The following MAP7D2 variants were observed in gnomAD, a reference collection of about 807,000 sequenced individuals.
MAP7D2 encodes the protein MAP7 domain-containing protein 2.
Under a neutral mutation model 63.5 loss-of-function variants are expected in MAP7D2, and 33 were observed. The observed-to-expected ratio is 0.52, with a 90% CI of 0.39 to 0.70. The LOEUF is 0.70. MAP7D2 is among the 30% of genes least tolerant of loss of function. The probability of loss-of-function intolerance (pLI) is 0.00; values close to 1 mark genes in which losing one functional copy is unlikely to be tolerated. For synonymous variants in MAP7D2, 224 were observed against 223.7 expected, an observed-to-expected ratio of 1.00 and a Z score of -0.01; for missense variants, 626 against 604.0, an observed-to-expected ratio of 1.04 and a Z score of -0.38.
At chrX:20,078,084 C>T (rs759952524) in intron 1 of MAP7D2, among the ~76,000 whole-genome samples, 2 of 112,198 alleles carry the variant, frequency 1.8e-5, no homozygotes, top group African/African-American at 3.2e-5. Context: ...ACCCCAGGAA[C>T]TCCTGCGCCA....
At chrX:20,095,111 T>C (rs968711699) in intron 1 of MAP7D2, among the ~76,000 whole-genome samples, 3 of 110,887 alleles carry the variant, frequency 2.7e-5, no homozygotes, top group East Asian at 5.7e-4. Context: ...GATGATCGCA[T>C]GACCTCGTGA....
Position 20,007,717 on chromosome X carries a change from C to T in MAP7D2, c.*708G>A, listed in dbSNP as rs1314822298. On this transcript the variant is annotated 3_prime_UTR_variant, in exon 17 of 17. Coordinates refer to ENST00000379643, the MANE Select transcript of MAP7D2 (RefSeq NM_001168465.2). The stretch of plus-strand genomic sequence containing the variant: ...TTTTAAGGTGTGACACGAAAGAGTC[C>T]TTGCTAGATTCAGTTGCCCATGTAT... The T allele has an allele frequency of 8.9e-6, 1 of 111,800 alleles. No homozygotes were observed. Among genetic ancestry groups the T allele is most frequent in the Non-Finnish European group, 1.9e-5 (1 of 53,141 alleles). The allele number at this position is 111,800 out of a possible 1,213,427, so 9.2% of individuals were successfully genotyped here. A position where few individuals can be genotyped will look rare whatever the true frequency, so the allele number is the denominator to read the frequency against.
At position 20,105,719 on chromosome X, in the gene MAP7D2, C is replaced by A. The variant is rs151264427; in HGVS notation, c.130+11031G>T. Among the ~76,000 whole-genome samples the A allele has an allele frequency of 5.4e-3, 605 of 111,446 alleles. 4 individuals are homozygous for A. Among genetic ancestry groups the A allele is most frequent in the Admixed American group, 6.7e-3 (70 of 10,449 alleles). On this transcript the variant is annotated intron_variant, in intron 1 of 16. Coordinates refer to ENST00000379643, the MANE Select transcript of MAP7D2 (RefSeq NM_001168465.2). The stretch of plus-strand genomic sequence containing the variant: ...CAGAGCCCATTGAATCCCGACTCAG[C>A]AGACCCTACCCAGCAGCAGGGATTC...
At chrX:20,017,615 C>T (rs1283533845) in intron 10 of MAP7D2, among the ~76,000 whole-genome samples, 1 of 112,278 alleles carries the variant, frequency 8.9e-6, no homozygotes, top group African/African-American at 3.2e-5. Flanking sequence ...TACGTGATAA[C>T]ACTAAATTAG....
Position 20,052,994 on chromosome X carries a change from G to A in MAP7D2, c.485-6C>T, listed in dbSNP as rs375622351. ...TGTTGAAAGTTTGTCACATGCTGCA[G>A]AGAAATGCATTAAAGACATTGGTAT... On this transcript the variant is annotated splice_region_variant and splice_polypyrimidine_tract_variant and intron_variant, in intron 4 of 16. Transcript: ENST00000379643. 3.4e-6 allele frequency: 4 copies of A among 1,160,327 alleles called. 1 individual carries two copies. The South Asian group carries it at 7.2e-5, about 21-fold the overall frequency.
chrX:20,106,381 G>A (rs887935244), intron 1 of MAP7D2, among the ~76,000 whole-genome samples: 3 of 112,186 alleles, frequency 2.7e-5, no homozygotes, highest in African/African-American at 9.7e-5. Flanking sequence ...TGCTTTGCCT[G>A]ATATGGGGGA....
At chrX:20,063,742 G>A (rs919073119) in intron 2 of MAP7D2, among the ~76,000 whole-genome samples, 165 bp from the exon 3 acceptor site, 4 of 111,746 alleles carry the variant, frequency 3.6e-5, no homozygotes, top group African/African-American at 9.8e-5. Context: ...CCACTAGCTG[G>A]GTAACCCTAA....
At chrX:20,099,460 T>C (rs1328579728) in intron 1 of MAP7D2, among the ~76,000 whole-genome samples, 1 of 111,866 alleles carries the variant, frequency 8.9e-6, no homozygotes, top group Admixed American at 9.5e-5. Context: ...GAAGCCATCA[T>C]CCTGTCTGCC....
intron 1 of MAP7D2, among the ~76,000 whole-genome samples, chrX:20,113,015 G>C (rs1206034282): frequency 8.9e-6 from 1 of 111,950 alleles, no homozygotes; most frequent in Non-Finnish European, 1.9e-5. Flanking sequence ...GGTTAGAAAT[G>C]ACAGACTTTG....
At chrX:20,049,995 T>G (rs2064903912) in intron 6 of MAP7D2, 1 of 230,916 alleles carries the variant, frequency 4.3e-6, no homozygotes, top group Admixed American at 5.7e-5. Flanking sequence ...GCAGAAACAG[T>G]ATAACTGTTT....
chrX:20,077,882 T>C (rs1477735993), intron 1 of MAP7D2, among the ~76,000 whole-genome samples: 1 of 112,514 alleles, frequency 8.9e-6, no homozygotes. Flanking sequence ...CAGTTACCAA[T>C]CACTGTTTGT....
intron 8 of MAP7D2, among the ~76,000 whole-genome samples, chrX:20,035,757 C>CA (rs2074204737): frequency 9.1e-6 from 1 of 109,591 alleles, no homozygotes. Flanking sequence ...AAAAACCCCA[C>CA]AAAAAATTAG....
At chrX:20,016,635 A>C (rs1039450030) in intron 10 of MAP7D2, among the ~76,000 whole-genome samples, 1 of 112,716 alleles carries the variant, frequency 8.9e-6, no homozygotes, top group Non-Finnish European at 1.9e-5. Context: ...ACGGTGACAG[A>C]AAGCCAAGCC....
chrX:20,063,428 G>C lies in MAP7D2; in HGVS notation c.358C>G (p.Leu120Val). The stretch of plus-strand genomic sequence containing the variant: ...CTGGGCCTTACCTCCTCCTCCCGGA[G>C]CTTCTGTTTCCTTTTCTCTTCCACA... The part of the protein sequence containing the change: ...AAVEEKRKQK[L>V]REEEERLEAM... The change falls in exon 3 of 17, where the codon CTC becomes GTC. Residue 120 changes from leucine (L) to valine (V), a missense_variant. By Grantham distance (32) the Leu-to-Val change is conservative. Transcript: ENST00000379643. 1 of 1,211,287 alleles carries C rather than the reference G, an allele frequency of 8.3e-7. No homozygotes were observed. Among genetic ancestry groups the C allele is most frequent in the Non-Finnish European group, 1.1e-6 (1 of 895,343 alleles).
intron 1 of MAP7D2, among the ~76,000 whole-genome samples, chrX:20,110,470 A>G (rs941122124): frequency 9.1e-6 from 1 of 110,128 alleles, no homozygotes; most frequent in Admixed American, 9.7e-5. Context: ...CCTGGGTGAC[A>G]GAGCAAGACT....
intron 10 of MAP7D2, among the ~76,000 whole-genome samples, chrX:20,018,397 A>G (rs1320047827): frequency 9.8e-6 from 1 of 102,216 alleles, no homozygotes; most frequent in Non-Finnish European, 2.0e-5. Flanking sequence ...AGCCCATGAG[A>G]CCCCGCTTGT....
At chrX:20,050,067 C>A (rs1462869492) in intron 6 of MAP7D2, among the ~76,000 whole-genome samples, 1 of 112,342 alleles carries the variant, frequency 8.9e-6, no homozygotes, top group Non-Finnish European at 1.9e-5. Flanking sequence ...ACTGAGTACA[C>A]TATCTGGAGA....
intron 1 of MAP7D2, among the ~76,000 whole-genome samples, chrX:20,110,662 C>CAAAAA (rs1282020261): frequency 3.0e-5 from 1 of 33,063 alleles, no homozygotes. Context: ...GACTCTGTCT[C>CAAAAA]AAAAAAAAAA....
chrX:20,052,906 G>A lies in MAP7D2; in HGVS notation c.567C>T (p.Thr189=), dbSNP rs376082429. 12 of 1,208,021 alleles carry A rather than the reference G, an allele frequency of 9.9e-6. No homozygotes were observed. The highest frequency in any genetic ancestry group is 5.9e-5 in the East Asian group (2 of 33,810). ...GGTCTGGGGAATAGGATATTGCCAC[G>A]GTGGATGAAGACAGGCGTTTATTCA... The part of the protein sequence containing the change: ...PPMNKRLSSS[T]VAISYSPDRA... Residue 189 remains threonine (T), a synonymous_variant, in exon 5 of 17, where the codon ACC becomes ACT. Coordinates refer to ENST00000379643, the MANE Select transcript of MAP7D2 (RefSeq NM_001168465.2).
Sources: allele counts gnomAD v4.1 joint callset (sites outside exome capture counted in the v4.1 genomes callset), GRCh38; gene constraint gnomAD v4.1.1; transcripts MANE v1.5; gene names NCBI Gene and HGNC (gene_info 2026-07-23, HGNC 2026-07-21).